The following DOCK3 variants were observed in gnomAD, a reference collection of about 807,000 sequenced individuals.
DOCK3 encodes dedicator of cytokinesis 3, also known as dedicator of cytokinesis protein 3.
In DOCK3, 60 loss-of-function variants were observed where a neutral mutation model predicts 265.6. The ratio of observed to expected loss-of-function variants is 0.23; its 90% CI spans 0.18 to 0.28. The LOEUF (loss-of-function observed/expected upper bound fraction) is 0.28. Ranked by LOEUF, DOCK3 falls within the 10% of genes least tolerant of loss-of-function variation. The pLI is 1.00. For missense variants in DOCK3, 1,981 were observed against 2,594.3 expected (o/e 0.76, Z 5.14); for synonymous variants, 881 against 938.0 (o/e 0.94, Z 1.11).
chr3:50,911,196 A>G (rs1213433385), intron 4 of DOCK3, among the ~76,000 whole-genome samples: 1 of 151,396 alleles, frequency 6.6e-6, no homozygotes, highest in Non-Finnish European at 1.5e-5. Context: ...TGCTTTTGTT[A>G]TTTTTCCTTT....
intron 5 of DOCK3, among the ~76,000 whole-genome samples, chr3:50,971,030 A>G (rs548833183): frequency 0.02 from 703 of 35,488 alleles, 72 homozygotes; most frequent in African/African-American, 0.043. Context: ...GGGACTCACT[A>G]TGTTTCCCAT....
At chr3:50,985,322 C>T (rs1387137645) in intron 5 of DOCK3, among the ~76,000 whole-genome samples, 1 of 152,118 alleles carries the variant, frequency 6.6e-6, no homozygotes, top group Non-Finnish European at 1.5e-5. Context: ...CCTCAGTTGT[C>T]CTTTTAAAGC....
chr3:50,709,796 A>G (rs990362513), intron 1 of DOCK3, among the ~76,000 whole-genome samples: 5 of 152,202 alleles, frequency 3.3e-5, no homozygotes, highest in African/African-American at 1.2e-4. Flanking sequence ...ATTGCACTCC[A>G]GTCTGGGTGA....
At chr3:50,769,907 C>T (rs78904362) in intron 1 of DOCK3, among the ~76,000 whole-genome samples, 2,833 of 151,870 alleles carry the variant, frequency 0.019, 103 homozygotes, top group African/African-American at 0.065. Context: ...TCAAATTGTC[C>T]CTCTTTGCAG....
chr3:51,249,487 A>G (rs868273995), intron 22 of DOCK3, among the ~76,000 whole-genome samples: 13 of 70,386 alleles, frequency 1.8e-4, no homozygotes, highest in African/African-American at 2.8e-4. Context: ...CAGCCGCCCC[A>G]TCCGGGAGGG....
chr3:50,791,335 C>T (rs1239792388), intron 2 of DOCK3, among the ~76,000 whole-genome samples: 1 of 141,140 alleles, frequency 7.1e-6, no homozygotes, highest in East Asian at 2.1e-4. Context: ...GCCATCTCGG[C>T]TCACTGCAAC....
intron 16 of DOCK3, 27 bp from the exon 17 acceptor site, chr3:51,227,955 A>G (rs1349578149): frequency 4.3e-6 from 7 of 1,611,490 alleles, no homozygotes; most frequent in South Asian, 1.1e-5. Flanking sequence ...AAGGCAAAAA[A>G]CAACTAATAC....
At chr3:51,335,373 C>T (rs1023901158) in intron 35 of DOCK3, among the ~76,000 whole-genome samples, 6 of 152,144 alleles carry the variant, frequency 3.9e-5, no homozygotes, top group African/African-American at 1.4e-4. Context: ...TTGTATTTTC[C>T]CTTCAGGTTT....
chr3:51,361,409 G>A lies in DOCK3; in HGVS notation c.5007-450G>A, dbSNP rs1213955447. On this transcript the variant is annotated intron_variant, in intron 47 of 52. Coordinates refer to ENST00000266037, the MANE Select transcript of DOCK3 (RefSeq NM_004947.5). This position sits in a 1 kb window ranked among gnomAD's most constrained non-coding sequence, Gnocchi z 4.2. ...GAGGCCTGCAGATAGTTCACAGCCG[G>A]CTATTTTGGTAGCTTCCCACACTAG... Among the ~76,000 whole-genome samples the A allele has an allele frequency of 6.6e-6, 1 of 151,664 alleles. No individual in the cohort carries two copies. Among genetic ancestry groups the A allele is most frequent in the Non-Finnish European group, 1.5e-5 (1 of 67,956 alleles).
chr3:51,290,643 C>T (rs1177826437), intron 27 of DOCK3, among the ~76,000 whole-genome samples: 1 of 151,958 alleles, frequency 6.6e-6, no homozygotes, highest in Non-Finnish European at 1.5e-5. Flanking sequence ...ATGTAACAAA[C>T]CTGCATGTTG....
chr3:51,335,948 C>T (rs2084831252), intron 35 of DOCK3, among the ~76,000 whole-genome samples: 1 of 148,980 alleles, frequency 6.7e-6, no homozygotes, highest in South Asian at 2.1e-4. Context: ...GCTGAGATTG[C>T]GCCACTGAAC....
At position 50,706,030 on chromosome 3, in the gene DOCK3, CA is replaced by C. The variant is rs796376606; in HGVS notation, c.37+30743del. On this transcript the variant is annotated intron_variant, in intron 1 of 52. Transcript: ENST00000266037. Reference sequence around the variant, plus strand: ...TGAGCGACAGAGTGAGACTCTGTCTCAAAAAAAAAAAAAGTGGCAGTTTTCT... The same window carrying C: ...TGAGCGACAGAGTGAGACTCTGTCTCAAAAAAAAAAAAGTGGCAGTTTTCT... 2.0e-3 allele frequency among the ~76,000 whole-genome samples: 274 copies of C among 138,146 alleles called. 1 individual carries two copies. The highest frequency in any genetic ancestry group is 3.3e-3 in the African/African-American group (123 of 37,716). 90.6% of individuals were successfully genotyped at this position (138,146 alleles called of 152,430 possible). A position where few individuals can be genotyped will look rare whatever the true frequency, so the allele number is the denominator to read the frequency against.
chr3:50,950,627 T>C (rs1334819085), intron 5 of DOCK3, among the ~76,000 whole-genome samples: 1 of 152,086 alleles, frequency 6.6e-6, no homozygotes, highest in Admixed American at 6.5e-5. Flanking sequence ...GGTGGAATTT[T>C]CCCCTCCTAA....
At chr3:51,380,260 T>C in intron 52 of DOCK3, 53 bp downstream of exon 52, 1 of 1,534,352 alleles carries the variant, frequency 6.5e-7, no homozygotes, top group Non-Finnish European at 8.9e-7. Flanking sequence ...TCATCTCGTC[T>C]GCTCTAGAAC....
intron 4 of DOCK3, among the ~76,000 whole-genome samples, chr3:50,918,126 A>C (rs2050226861): frequency 6.6e-6 from 1 of 152,098 alleles, no homozygotes; most frequent in Admixed American, 6.6e-5. Flanking sequence ...TCCATGGTGT[A>C]TGTGTGCCAC....
chr3:50,853,425 G>A (rs1196973579), intron 3 of DOCK3, among the ~76,000 whole-genome samples: 2 of 152,020 alleles, frequency 1.3e-5, no homozygotes, highest in East Asian at 3.8e-4. Context: ...AATGAACATA[G>A]TACTCAAGAG....
chr3:50,867,139 A>T (rs2047181688), intron 3 of DOCK3, among the ~76,000 whole-genome samples: 2 of 152,218 alleles, frequency 1.3e-5, no homozygotes, highest in East Asian at 1.9e-4. Flanking sequence ...TATGATAGAA[A>T]TCTTTCACTT....
intron 5 of DOCK3, among the ~76,000 whole-genome samples, chr3:50,970,954 G>T (rs2077211242): frequency 2.5e-5 from 1 of 40,398 alleles, no homozygotes. Context: ...TATAATGTGT[G>T]TGTGTGTGTG....
chr3:50,765,265 G>A (rs1375172999), intron 1 of DOCK3, among the ~76,000 whole-genome samples: 2 of 151,482 alleles, frequency 1.3e-5, no homozygotes, highest in Non-Finnish European at 2.9e-5. Flanking sequence ...TGAATTTTTA[G>A]TAGAGATAGG....
Sources: allele counts gnomAD v4.1 joint callset (sites outside exome capture counted in the v4.1 genomes callset), GRCh38; gene constraint gnomAD v4.1.1; non-coding constraint Gnocchi (gnomAD v3.1); transcripts MANE v1.5; gene names NCBI Gene and HGNC (gene_info 2026-07-23, HGNC 2026-07-21).